LRMDA: variants seen among roughly 807,000 people sequenced by gnomAD.
LRMDA encodes leucine-rich melanocyte differentiation-associated protein.
LRMDA carries 18 observed loss-of-function variants against 29.8 expected under a neutral mutation model. The observed-to-expected ratio is 0.60, with a 90% CI of 0.42 to 0.90. LRMDA has a LOEUF of 0.90. Ranked by LOEUF, LRMDA falls within the 40% of genes least tolerant of loss-of-function variation. The pLI is 0.00. For missense variants in LRMDA, 273 were observed against 273.9 expected, an observed-to-expected ratio of 1.00 and a Z score of 0.02; for synonymous variants, 125 against 109.4, an observed-to-expected ratio of 1.14 and a Z score of -0.89.
intron 5 of LRMDA, among the ~76,000 whole-genome samples, chr10:76,154,058 T>C (rs1262467066): frequency 6.6e-6 from 1 of 152,258 alleles, no homozygotes; most frequent in Non-Finnish European, 1.5e-5. Context: ...CATTCTTGTA[T>C]TGGTCCCTCT....
chr10:75,575,389 G>A (rs2132072884), intron 2 of LRMDA, among the ~76,000 whole-genome samples: 1 of 152,250 alleles, frequency 6.6e-6, no homozygotes, highest in Non-Finnish European at 1.5e-5. Context: ...TCTCATTTGA[G>A]ACAAGGCTAG....
At chr10:75,497,501 A>T (rs903111225) in intron 2 of LRMDA, among the ~76,000 whole-genome samples, 1 of 151,660 alleles carries the variant, frequency 6.6e-6, no homozygotes, top group Non-Finnish European at 1.5e-5. Flanking sequence ...TAAATGTACC[A>T]TTCTGTGAGT....
At chr10:75,931,908 T>C (rs959972626) in intron 2 of LRMDA, among the ~76,000 whole-genome samples, 1 of 152,204 alleles carries the variant, frequency 6.6e-6, no homozygotes, top group Non-Finnish European at 1.5e-5. Flanking sequence ...TTGTATGTCT[T>C]CTTCCCCTCA....
chr10:76,063,889 C>T (rs1271007603), intron 5 of LRMDA, among the ~76,000 whole-genome samples: 2 of 152,084 alleles, frequency 1.3e-5, no homozygotes, highest in African/African-American at 2.4e-5. Context: ...CATAAGGAAG[C>T]TGGCTTCTCA....
At chr10:76,358,531 G>A (rs1214285268) in intron 6 of LRMDA, among the ~76,000 whole-genome samples, 2 of 152,158 alleles carry the variant, frequency 1.3e-5, no homozygotes, top group Non-Finnish European at 2.9e-5. Context: ...ATGGGAGAGA[G>A]CATGGGCCTC....
intron 2 of LRMDA, among the ~76,000 whole-genome samples, chr10:75,907,451 C>G (rs1017285122): frequency 5.9e-5 from 9 of 152,180 alleles, no homozygotes; most frequent in African/African-American, 2.2e-4. Context: ...ACTCATTCTG[C>G]TAAATGAATA....
intron 5 of LRMDA, among the ~76,000 whole-genome samples, chr10:76,198,395 C>T (rs1851369076): frequency 6.6e-6 from 1 of 152,242 alleles, no homozygotes; most frequent in Admixed American, 6.5e-5. Flanking sequence ...TTTCTCTTGG[C>T]ATTGTTTGGA....
intron 2 of LRMDA, among the ~76,000 whole-genome samples, chr10:75,861,320 G>T (rs1200223560): frequency 2.0e-5 from 3 of 152,154 alleles, no homozygotes; most frequent in Non-Finnish European, 4.4e-5. Context: ...CATTTATAGG[G>T]GTCCTTTTTA....
intron 5 of LRMDA, among the ~76,000 whole-genome samples, chr10:76,192,858 G>T (rs1247739939): frequency 1.3e-5 from 2 of 152,152 alleles, no homozygotes; most frequent in African/African-American, 4.8e-5. Context: ...GACTTGCACT[G>T]CTCCGAACAA....
At chr10:76,365,995 G>C (rs1308639716) in intron 6 of LRMDA, among the ~76,000 whole-genome samples, 2 of 152,086 alleles carry the variant, frequency 1.3e-5, no homozygotes, top group East Asian at 3.9e-4. Flanking sequence ...TGTTGAAAAG[G>C]GTGTCCTTTC....
intron 2 of LRMDA, among the ~76,000 whole-genome samples, chr10:75,852,524 AAACAAC>A (rs199611720): frequency 8.2e-6 from 1 of 121,950 alleles, no homozygotes; most frequent in Non-Finnish European, 1.8e-5. Context: ...AAAAAAAGCA[AAACAAC>A]AACAACAACA....
At chr10:75,960,688 A>C (rs1846749029) in intron 2 of LRMDA, among the ~76,000 whole-genome samples, 1 of 152,114 alleles carries the variant, frequency 6.6e-6, no homozygotes, top group African/African-American at 2.4e-5. Context: ...ATCTCGGCTC[A>C]CTGCAACCTC....
chr10:76,111,819 C>G (rs1021493388), intron 5 of LRMDA, among the ~76,000 whole-genome samples: 1 of 150,144 alleles, frequency 6.7e-6, no homozygotes, highest in Admixed American at 6.6e-5. Flanking sequence ...TGGGGGGGGG[C>G]GCATGGTGGG....
chr10:75,847,475 G>A (rs1844659388), intron 2 of LRMDA, among the ~76,000 whole-genome samples: 1 of 152,094 alleles, frequency 6.6e-6, no homozygotes, highest in Non-Finnish European at 1.5e-5. Flanking sequence ...GACACCAAAT[G>A]CACAGGCAAC....
intron 2 of LRMDA, among the ~76,000 whole-genome samples, chr10:76,025,833 A>G (rs541843618): frequency 6.7e-4 from 102 of 152,122 alleles, no homozygotes; most frequent in Non-Finnish European, 1.4e-3. Context: ...AATCATCCCA[A>G]TCTATTACCC....
chr10:75,815,077 G>A (rs898386159), intron 2 of LRMDA, among the ~76,000 whole-genome samples: 1 of 152,078 alleles, frequency 6.6e-6, no homozygotes, highest in Admixed American at 6.6e-5. Flanking sequence ...AGTTTAGGTG[G>A]CTTTTCTGCC....
intron 2 of LRMDA, among the ~76,000 whole-genome samples, chr10:75,827,000 T>G (rs557956506): frequency 2.4e-4 from 36 of 152,328 alleles, no homozygotes; most frequent in Middle Eastern, 3.4e-3. Context: ...CATTTTTGCA[T>G]AAATCCGGCC....
At chr10:75,678,232 C>A (rs1841984556) in intron 2 of LRMDA, among the ~76,000 whole-genome samples, 6 of 152,066 alleles carry the variant, frequency 3.9e-5, no homozygotes, top group African/African-American at 1.4e-4. Flanking sequence ...ATAATTATGG[C>A]AATATAATGG....
intron 5 of LRMDA, among the ~76,000 whole-genome samples, chr10:76,122,512 T>C (rs1288484940): frequency 6.6e-6 from 1 of 152,102 alleles, no homozygotes; most frequent in East Asian, 1.9e-4. Context: ...ATCTGTAAAA[T>C]GGAGATGATA....
Sources: allele counts gnomAD v4.1 joint callset (sites outside exome capture counted in the v4.1 genomes callset), GRCh38; gene constraint gnomAD v4.1.1; transcripts MANE v1.5; gene names NCBI Gene and HGNC (gene_info 2026-07-23, HGNC 2026-07-21).